EPHA10: variants seen among roughly 807,000 people sequenced by gnomAD.
EPHA10 encodes ephrin type-A receptor 10.
In EPHA10, 120 loss-of-function variants were observed where a neutral mutation model predicts 109.7. That is an observed-to-expected ratio of 1.09 (90% CI 0.94 to 1.27). The LOEUF is 1.27. Among genes scored for constraint, EPHA10 ranks in the 50% most tolerant of loss-of-function variants. EPHA10 has a pLI of 0.00. For synonymous variants in EPHA10, 640 were observed against 618.9 expected, an observed-to-expected ratio of 1.03 and a Z score of -0.51; for missense variants, 1,396 against 1,411.1, an observed-to-expected ratio of 0.99 and a Z score of 0.17.
chr1:37,731,470 C>A lies in EPHA10; in HGVS notation c.1604G>T (p.Gly535Val), dbSNP rs770711134. The A allele has an allele frequency of 1.9e-6, 3 of 1,613,962 alleles. No individual in the cohort carries two copies. The highest frequency in any genetic ancestry group is 2.5e-6 in the Non-Finnish European group (3 of 1,179,920). The change falls in exon 7 of 17, where the codon GGG (glycine) becomes GTG (valine). Residue 535 changes from glycine to valine, a missense_variant. Transcript: ENST00000373048. ...AAAACTCTGGGCCTCCCAGGATGGC[C>A]CCGGGGAAGCGGCCCGGATCTGAAA... is the stretch of plus-strand genomic sequence containing the variant. ...YVFQIRAASP[G>V]PSWEAQSFNP...
At chr1:37,749,726 A>G (rs1389664152) in intron 5 of EPHA10, among the ~76,000 whole-genome samples, 1 of 152,184 alleles carries the variant, frequency 6.6e-6, no homozygotes, top group Non-Finnish European at 1.5e-5. Flanking sequence ...TTAGTATTAC[A>G]TATACCATCA....
At chr1:37,722,978 C>T (rs747720084) in intron 10 of EPHA10, 63 bp downstream of exon 10, 147 of 1,611,516 alleles carry the variant, frequency 9.1e-5, no homozygotes, top group Non-Finnish European at 1.2e-4. Context: ...AGAGTAGGGG[C>T]GGGGCCTATA....
At position 37,731,476 on chromosome 1, in the gene EPHA10, G is replaced by T. The variant is rs368330975; in HGVS notation, c.1598C>A (p.Ser533Tyr). 6 of 1,614,000 alleles carry T rather than the reference G, an allele frequency of 3.7e-6. No homozygotes were observed. In the African/African-American group the frequency reaches 8.0e-5, roughly 22 times the overall value. ...CTGGGCCTCCCAGGATGGCCCCGGG[G>T]AAGCGGCCCGGATCTGAAAGACGTA... Reference protein sequence around the residue: ...TRYVFQIRAASPGPSWEAQSF... With the variant: ...TRYVFQIRAAYPGPSWEAQSF... Residue 533 changes from serine (S) to tyrosine (Y), a missense_variant, in exon 7 of 17, where the codon TCC (serine) becomes TAC (tyrosine). Ser to Tyr is a moderately radical substitution (Grantham distance 144). Coordinates refer to ENST00000373048, the MANE Select transcript of EPHA10 (RefSeq NM_001099439.2).
chr1:37,750,568 G>A (rs1646307087), intron 5 of EPHA10, among the ~76,000 whole-genome samples: 1 of 151,980 alleles, frequency 6.6e-6, no homozygotes, highest in Admixed American at 6.6e-5. Context: ...TCAAAGCAGT[G>A]GCTGAATAAA....
At chr1:37,724,420 G>C (rs1645853911) in intron 8 of EPHA10, among the ~76,000 whole-genome samples, 1 of 152,126 alleles carries the variant, frequency 6.6e-6, no homozygotes, top group African/African-American at 2.4e-5. Context: ...TACAAATCAG[G>C]AGCAATGAGC....
chr1:37,714,343 G>T (rs186521623), downstream of EPHA10, among the ~76,000 whole-genome samples: 1 of 152,210 alleles, frequency 6.6e-6, no homozygotes, highest in Admixed American at 6.5e-5. Context: ...GTGTGTGCAC[G>T]TGTGTCCATG....
At chr1:37,759,428 C>T (rs1464193742) in intron 3 of EPHA10, among the ~76,000 whole-genome samples, 1 of 152,156 alleles carries the variant, frequency 6.6e-6, no homozygotes, top group East Asian at 1.9e-4. Flanking sequence ...GAAAAAAAAA[C>T]CTTCTCACCT....
intron 7 of EPHA10, 36 bp downstream of exon 7, chr1:37,731,374 CT>C: frequency 1.3e-6 from 2 of 1,526,022 alleles, no homozygotes; most frequent in Non-Finnish European, 1.8e-6. Context: ...AGGGTTCTCT[CT>C]GTCTAGGTCC....
chr1:37,735,569 A>C (rs1646057586), intron 5 of EPHA10, among the ~76,000 whole-genome samples, 179 bp from the exon 6 acceptor site: 1 of 151,972 alleles, frequency 6.6e-6, no homozygotes, highest in Admixed American at 6.6e-5. Flanking sequence ...AAAGGAGAGG[A>C]GTCTGTGGGA....
At chr1:37,752,607 G>A (rs1646344656) in intron 5 of EPHA10, among the ~76,000 whole-genome samples, 1 of 152,176 alleles carries the variant, frequency 6.6e-6, no homozygotes, top group South Asian at 2.1e-4. Context: ...GCTTCCCGCA[G>A]ACGCAACAGA....
rs769324781 is a variant in EPHA10, at chr1:37,753,025, G to A, written c.1208C>T (p.Ala403Val). 8.1e-7 allele frequency: 1 copy of A among 1,232,708 alleles called. No individual in the cohort carries two copies. The highest frequency in any genetic ancestry group is 1.0e-6 in the Non-Finnish European group (1 of 989,798). 76.4% of individuals were successfully genotyped at this position (1,232,708 alleles called of 1,614,324 possible). A position where few individuals can be genotyped will look rare whatever the true frequency, so the allele number is the denominator to read the frequency against. ...CGTGGCGGCTCGCTCCCGCAGCCCT[G>A]CCTGGCGCGGTAGGAAGGCCACGCG... ...GPRVAFLPRQAGLRERAATLL... is the reference protein window; with the variant it reads ...GPRVAFLPRQVGLRERAATLL... The change falls in exon 5 of 17, where the codon GCA becomes GTA. Residue 403 changes from alanine (A) to valine (V), a missense_variant. Coordinates refer to ENST00000373048, the MANE Select transcript of EPHA10 (RefSeq NM_001099439.2).
chr1:37,720,964 A>C, intron 11 of EPHA10, 120 bp from the exon 12 acceptor site: 1 of 902,946 alleles, frequency 1.1e-6, no homozygotes, highest in South Asian at 1.5e-5. Context: ...CAAGCTCCCT[A>C]ATCTCGCCAT....
chr1:37,753,867 C>A (rs1646367622), intron 4 of EPHA10, among the ~76,000 whole-genome samples: 2 of 152,078 alleles, frequency 1.3e-5, no homozygotes, highest in South Asian at 4.1e-4. Flanking sequence ...GCATGGGGAC[C>A]GAACCGATGG....
chr1:37,747,460 A>C (rs1646256920), intron 5 of EPHA10, among the ~76,000 whole-genome samples: 1 of 151,226 alleles, frequency 6.6e-6, no homozygotes, highest in Non-Finnish European at 1.5e-5. Context: ...CTGAGGCAGG[A>C]GAATCGCTTG....
intron 8 of EPHA10, among the ~76,000 whole-genome samples, chr1:37,723,779 C>G (rs1645842652): frequency 6.6e-6 from 1 of 152,242 alleles, no homozygotes; most frequent in Admixed American, 6.5e-5. Flanking sequence ...GAGTTAGCCA[C>G]AAGCCCACTC....
intron 5 of EPHA10, among the ~76,000 whole-genome samples, chr1:37,736,131 A>G (rs1277018528): frequency 6.6e-6 from 1 of 152,202 alleles, no homozygotes; most frequent in Non-Finnish European, 1.5e-5. Context: ...TTGTTAGGCC[A>G]GGCGTGGTGG....
intron 3 of EPHA10, among the ~76,000 whole-genome samples, chr1:37,758,597 C>T (rs1646408452): frequency 6.6e-6 from 1 of 152,206 alleles, no homozygotes; most frequent in Non-Finnish European, 1.5e-5. Flanking sequence ...GTCATAATAT[C>T]ACACTCTCCT....
chr1:37,732,883 T>TTTTTTTTTTTTTA, intron 6 of EPHA10, among the ~76,000 whole-genome samples: 1 of 100,898 alleles, frequency 9.9e-6, no homozygotes. Context: ...TTTTTTTTTT[T>TTTTTTTTTTTTTA]TTTTTTTTTT....
chr1:37,763,452 C>T (rs1646450424), intron 1 of EPHA10, among the ~76,000 whole-genome samples: 1 of 152,202 alleles, frequency 6.6e-6, no homozygotes, highest in Non-Finnish European at 1.5e-5. Flanking sequence ...CAAAAGATCA[C>T]TAATCACATA....
Sources: gnomAD v4.1 joint callset for allele counts (sites outside exome capture counted in the v4.1 genomes callset) on GRCh38, gnomAD v4.1.1 for gene constraint, MANE v1.5 for transcripts, NCBI Gene and HGNC (gene_info 2026-07-23, HGNC 2026-07-21) for gene names.